MTIF3: variants seen among roughly 807,000 people sequenced by gnomAD.
MTIF3 encodes the protein translation initiation factor IF-3, mitochondrial.
A neutral mutation model predicts 20.7 loss-of-function variants in MTIF3; 13 were observed. That is an observed-to-expected ratio of 0.63 (90% CI 0.41 to 1.00). MTIF3 has a LOEUF of 1.00. Ranked by LOEUF, MTIF3 falls within the 50% of genes least tolerant of loss-of-function variation. The probability of loss-of-function intolerance (pLI) is 0.00; values close to 1 mark genes in which losing one functional copy is unlikely to be tolerated. For synonymous variants in MTIF3, 114 were observed against 112.5 expected, an observed-to-expected ratio of 1.01 and a Z score of -0.08; for missense variants, 295 against 324.5, an observed-to-expected ratio of 0.91 and a Z score of 0.70.
intron 3 of MTIF3, among the ~76,000 whole-genome samples, chr13:27,438,148 G>C (rs1459657037): frequency 6.6e-6 from 1 of 152,132 alleles, no homozygotes; most frequent in Non-Finnish European, 1.5e-5. Flanking sequence ...TGAGCAGTTT[G>C]ATCCATTTAG....
chr13:27,446,219 G>A (rs527575054), intron 1 of MTIF3, among the ~76,000 whole-genome samples: 1 of 152,156 alleles, frequency 6.6e-6, no homozygotes, highest in East Asian at 1.9e-4. Flanking sequence ...ACTACCGCCT[G>A]GCTAATTTTT....
rs1308092180 is a variant in MTIF3, at chr13:27,435,837, A to T, written c.675T>A (p.Ser225=). ...TTCCTCCTTGAACAGCTTGTGGCCT[A>T]GATGAGAATGTAGCTATTCCAGGCA... ...QTMPGIATFS[S]RPQAVQGGKA... is the part of the protein sequence containing the mutation. The change falls in exon 5 of 5, where the codon TCT becomes TCA. Residue 225 remains serine (S), a synonymous_variant. Coordinates refer to ENST00000381120, the MANE Select transcript of MTIF3 (RefSeq NM_152912.5). 6.2e-7 allele frequency: 1 copy of T among 1,614,006 alleles called. No individual in the cohort carries two copies. The highest frequency in any genetic ancestry group is 1.3e-5 in the African/African-American group (1 of 74,928).
At chr13:27,437,990 C>T (rs1953847816) in intron 3 of MTIF3, among the ~76,000 whole-genome samples, 1 of 151,882 alleles carries the variant, frequency 6.6e-6, no homozygotes, top group Non-Finnish European at 1.5e-5. Context: ...AACAGAGAAC[C>T]CTATAAATCG....
intron 1 of MTIF3, among the ~76,000 whole-genome samples, chr13:27,449,699 T>C (rs59640099): frequency 0.025 from 3,758 of 152,340 alleles, 73 homozygotes; most frequent in South Asian, 0.091. Context: ...AGCACTGCTG[T>C]TCTCCATCAC....
intron 1 of MTIF3, among the ~76,000 whole-genome samples, chr13:27,449,647 C>G (rs568025104): frequency 2.6e-5 from 4 of 152,362 alleles, no homozygotes; most frequent in Admixed American, 2.0e-4. Context: ...GTTGACCTTT[C>G]CTTTAAAACA....
At chr13:27,442,458 C>T (rs1954038691) in intron 2 of MTIF3, among the ~76,000 whole-genome samples, 1 of 152,198 alleles carries the variant, frequency 6.6e-6, no homozygotes, top group African/African-American at 2.4e-5. Context: ...GCACACAGAG[C>T]AATCCTTAAA....
intron 2 of MTIF3, chr13:27,441,335 A>G (rs1298139487): frequency 6.6e-6 from 1 of 152,216 alleles, no homozygotes; most frequent in African/African-American, 2.4e-5. Context: ...AACTGTTAAC[A>G]ATTTTTCAAT....
intron 1 of MTIF3, among the ~76,000 whole-genome samples, chr13:27,449,329 G>A (rs547740388): frequency 5.9e-5 from 9 of 152,078 alleles, no homozygotes; most frequent in Non-Finnish European, 1.3e-4. Flanking sequence ...AACTCGGCTT[G>A]AGCCCTGGCA....
intron 4 of MTIF3, among the ~76,000 whole-genome samples, chr13:27,436,886 G>A (rs1953787036): frequency 6.6e-6 from 1 of 151,558 alleles, no homozygotes; most frequent in African/African-American, 2.4e-5. Context: ...CCAGTAGCTG[G>A]GACTACAGGT....
At chr13:27,440,804 C>T (rs912542997) in intron 2 of MTIF3, among the ~76,000 whole-genome samples, 1 of 151,838 alleles carries the variant, frequency 6.6e-6, no homozygotes, top group Admixed American at 6.6e-5. Context: ...GGGAAACAGA[C>T]CCCCTGTGCA....
chr13:27,435,859 G>A lies in MTIF3; in HGVS notation c.653C>T (p.Pro218Leu). 1 of 1,613,622 alleles carries A rather than the reference G, an allele frequency of 6.2e-7. No individual in the cohort carries two copies. Among genetic ancestry groups the A allele is most frequent in the South Asian group, 1.1e-5 (1 of 91,064 alleles). ...CCTAGATGAGAATGTAGCTATTCCAGGCATAGTCTGGAGTATTTGATGAAA... is the reference window on the plus strand; with the variant it reads ...CCTAGATGAGAATGTAGCTATTCCAAGCATAGTCTGGAGTATTTGATGAAA... ...EIFHQILQTMPGIATFSSRPQ... is the reference protein window; with the variant it reads ...EIFHQILQTMLGIATFSSRPQ... The change falls in exon 5 of 5, where the codon CCT becomes CTT. Residue 218 changes from proline to leucine, a missense_variant. Coordinates refer to ENST00000381120, the MANE Select transcript of MTIF3 (RefSeq NM_152912.5).
chr13:27,442,929 AT>A (rs1555260922), intron 2 of MTIF3, among the ~76,000 whole-genome samples: 10 of 152,174 alleles, frequency 6.6e-5, no homozygotes, highest in Non-Finnish European at 5.9e-5. Context: ...GACTTTGTCC[AT>A]TTTGTTCACT....
rs762101479 is a variant in MTIF3, at chr13:27,440,308, G to GGA, written c.139_140dup (p.Phe48ProfsTer3). 1 of 1,614,130 alleles carries GGA rather than the reference G, an allele frequency of 6.2e-7. No individual in the cohort carries two copies. The highest frequency in any genetic ancestry group is 8.5e-7 in the Non-Finnish European group (1 of 1,180,000). On this transcript the variant is annotated frameshift_variant, in exon 3 of 5. Coordinates refer to ENST00000381120, the MANE Select transcript of MTIF3 (RefSeq NM_152912.5). LOFTEE classifies it high-confidence loss of function. ...TAAAGGCTTTTGCATGAATTAGGAA[G>GGA]GAGAGTCTTGGGGCAGAAGCAATAG...
At chr13:27,449,616 A>C (rs1954293591) in intron 1 of MTIF3, among the ~76,000 whole-genome samples, 1 of 152,244 alleles carries the variant, frequency 6.6e-6, no homozygotes, top group Non-Finnish European at 1.5e-5. Flanking sequence ...TGAGCTTAAC[A>C]CTGAATGCTT....
chr13:27,437,270 G>T lies in MTIF3; in HGVS notation c.464C>A (p.Pro155Gln). Reference sequence around the variant, plus strand: ...CAAAATCAGTTCCTTTCTCAGGGTTGGTCCTGGTTTGAAACAGATAGGGTG... The same window carrying T: ...CAAAATCAGTTCCTTTCTCAGGGTTTGTCCTGGTTTGAAACAGATAGGGTG... ...EMEKANPKTGPTLRKELILSS... is the reference protein window; with the variant it reads ...EMEKANPKTGQTLRKELILSS... Residue 155 changes from proline to glutamine, a missense_variant, in exon 4 of 5, where the codon CCA becomes CAA. Physicochemically the swap from Pro to Gln is moderately conservative, Grantham distance 76 (BLOSUM62 -1). Coordinates refer to ENST00000381120, the MANE Select transcript of MTIF3 (RefSeq NM_152912.5). 1 of 1,613,070 alleles carries T rather than the reference G, an allele frequency of 6.2e-7. No homozygotes were observed. Among genetic ancestry groups the T allele is most frequent in the Non-Finnish European group, 8.5e-7 (1 of 1,179,876 alleles).
chr13:27,437,030 CG>C, intron 4 of MTIF3, 85 bp downstream of exon 4: 1 of 1,409,710 alleles, frequency 7.1e-7, no homozygotes, highest in Non-Finnish European at 9.7e-7. Flanking sequence ...GGATTACAGG[CG>C]TGAGCCACCG....
chr13:27,448,886 A>G (rs1048888555), intron 1 of MTIF3, among the ~76,000 whole-genome samples: 5 of 152,092 alleles, frequency 3.3e-5, no homozygotes, highest in South Asian at 4.1e-4. Flanking sequence ...TAAAAATACA[A>G]AAAAACTAGC....
chr13:27,439,023 C>CT (rs1423977128), intron 3 of MTIF3, among the ~76,000 whole-genome samples: 2 of 152,182 alleles, frequency 1.3e-5, no homozygotes, highest in African/African-American at 4.8e-5. Flanking sequence ...ATGATTGGCA[C>CT]TTTTTAGGAA....
intron 1 of MTIF3, among the ~76,000 whole-genome samples, chr13:27,446,961 C>G (rs1162653861): frequency 6.6e-6 from 1 of 152,202 alleles, no homozygotes; most frequent in Admixed American, 6.5e-5. Flanking sequence ...TAATGAAAAA[C>G]CACTTGCAGT....
Sources: allele counts gnomAD v4.1 joint callset (sites outside exome capture counted in the v4.1 genomes callset), GRCh38; gene constraint gnomAD v4.1.1; transcripts MANE v1.5; gene names NCBI Gene and HGNC (gene_info 2026-07-23, HGNC 2026-07-21).